The following AKR1C2 variants were observed in gnomAD, a reference collection of about 807,000 sequenced individuals.
AKR1C2 encodes 3-alpha-HSD3.
Under a neutral mutation model 39.8 loss-of-function variants are expected in AKR1C2, and 27 were observed. The observed-to-expected ratio is 0.68, with a 90% confidence interval of 0.50 to 0.93. The LOEUF is 0.93. Ranked by LOEUF, AKR1C2 falls within the 40% of genes least tolerant of loss-of-function variation. The pLI is 0.00. For synonymous variants in AKR1C2, 114 were observed against 137.9 expected, an observed-to-expected ratio of 0.83 and a Z score of 1.22; for missense variants, 263 against 365.1, an observed-to-expected ratio of 0.72 and a Z score of 2.28.
intron 7 of AKR1C2, among the ~76,000 whole-genome samples, chr10:4,992,960 T>C (rs1289824101): frequency 6.6e-6 from 1 of 152,018 alleles, no homozygotes; most frequent in African/African-American, 2.4e-5. Context: ...AAAAAAAAAA[T>C]GATCAGTAAT....
chr10:5,002,088 C>T (rs1194501423), intron 1 of AKR1C2, among the ~76,000 whole-genome samples: 5 of 152,210 alleles, frequency 3.3e-5, no homozygotes, highest in African/African-American at 9.7e-5. Context: ...ATTCCTCTCC[C>T]ACCATGTTGC....
Position 4,998,611 on chromosome 10 carries a change from C to A in AKR1C2, c.570+14G>T. On this transcript the variant is annotated intron_variant, in intron 5 of 8. Transcript: ENST00000380753. ...CATGAAGAACAGAAAGGAGAGGAGG[C>A]TGAGGGCGCTCACCTGGTTGCAGAC... 2 of 1,613,850 alleles carry A rather than the reference C, an allele frequency of 1.2e-6. No homozygotes were observed. The highest frequency in any genetic ancestry group is 8.5e-7 in the Non-Finnish European group (1 of 1,179,880).
intron 7 of AKR1C2, among the ~76,000 whole-genome samples, chr10:4,994,279 T>G (rs1345886974): frequency 6.6e-6 from 1 of 151,694 alleles, no homozygotes; most frequent in African/African-American, 2.4e-5. Context: ...CTATATATAT[T>G]CATATTCATA....
upstream of AKR1C2, among the ~76,000 whole-genome samples, chr10:5,005,598 G>T (rs577953121): frequency 6.6e-6 from 1 of 152,114 alleles, no homozygotes; most frequent in Non-Finnish European, 1.5e-5. Flanking sequence ...CAGAGGAATC[G>T]CTTGAACCCA....
intron 1 of AKR1C2, chr10:5,014,892 G>C (rs1402165591): frequency 2.0e-5 from 3 of 152,200 alleles, no homozygotes; most frequent in Non-Finnish European, 4.4e-5. Flanking sequence ...TTTAGATATT[G>C]GTTCTCTTAC....
At chr10:5,015,428 C>T (rs1325473823) in intron 1 of AKR1C2, among the ~76,000 whole-genome samples, 1 of 152,048 alleles carries the variant, frequency 6.6e-6, no homozygotes, top group Non-Finnish European at 1.5e-5. Context: ...ATTGGATGTC[C>T]CCAGGGGCTT....
At position 4,988,979 on chromosome 10, in the gene AKR1C2, T is replaced by C. The variant is rs1220255177; in HGVS notation, c.*1017A>G. 6.6e-6 allele frequency: 1 copy of C among 152,236 alleles called. No individual in the cohort carries two copies. Among genetic ancestry groups the C allele is most frequent in the Non-Finnish European group, 1.5e-5 (1 of 68,042 alleles). The allele number at this position is 152,236 out of a possible 1,614,324, so 9.4% of individuals were successfully genotyped here. ...TGAAGTCTTGGAACATTTGATTTAT[T>C]AGATGTATTATTTCCCATTTTAATC... On this transcript the variant is annotated 3_prime_UTR_variant, in exon 9 of 9. Transcript: ENST00000380753.
chr10:4,999,379 G>A (rs1261135879), intron 3 of AKR1C2, 102 bp from the exon 4 acceptor site: 23 of 1,608,002 alleles, frequency 1.4e-5, no homozygotes, highest in African/African-American at 4.0e-5. Flanking sequence ...CATGAGGTAG[G>A]TGATGCAGCG....
intron 5 of AKR1C2, among the ~76,000 whole-genome samples, chr10:4,996,945 TAC>T (rs1449211563): frequency 1.3e-5 from 2 of 152,078 alleles, no homozygotes; most frequent in Non-Finnish European, 2.9e-5. Flanking sequence ...CACTGATGTA[TAC>T]TCAATCATAT....
chr10:4,992,486 A>G (rs1428390509), intron 7 of AKR1C2, among the ~76,000 whole-genome samples: 26 of 152,184 alleles, frequency 1.7e-4, no homozygotes, highest in Non-Finnish European at 3.5e-4. Flanking sequence ...GTATAAATCC[A>G]TAGGGAAACT....
rs1837165110 is a variant in AKR1C2 at position 4,999,051 on chromosome 10, T to A, written c.447+149A>T. 4 of 1,565,802 alleles carry A rather than the reference T, an allele frequency of 2.6e-6. No individual in the cohort carries two copies. In the African/African-American group the frequency reaches 4.1e-5, roughly 16 times the overall value. ...CTCTCTTTTGTATGCCTGTCATTTC[T>A]TTTTCCTCGCTGCTCACAAAAACTA... On this transcript the variant is annotated intron_variant, in intron 4 of 8. Coordinates refer to ENST00000380753, the MANE Select transcript of AKR1C2 (RefSeq NM_001393392.1).
At chr10:5,006,785 C>CTT (rs57936312), upstream of AKR1C2, among the ~76,000 whole-genome samples, 6,694 of 144,752 alleles carry the variant, frequency 0.046, 211 homozygotes, top group Non-Finnish European at 0.062. Context: ...ATTTCAGCCT[C>CTT]TTTTTTTTTT....
At position 4,995,987 on chromosome 10, in the gene AKR1C2, C is replaced by T. The variant is rs548057107; in HGVS notation, c.571-122G>A. ...AAATTTGAACTGAGAATATTATTGT[C>T]AAAAATGATCTTTTTCATAAAAATA... is the stretch of plus-strand genomic sequence containing the variant. On this transcript the variant is annotated intron_variant, in intron 5 of 8. Transcript: ENST00000380753. 16,541 of 1,079,960 alleles carry T rather than the reference C, an allele frequency of 0.015. 193 individuals carry two copies. The highest frequency in any genetic ancestry group is 0.019 in the Non-Finnish European group (14,721 of 776,306). The allele number at this position is 1,079,960 out of a possible 1,614,324, so 66.9% of individuals were successfully genotyped here.
Position 4,991,299 on chromosome 10 carries a change from GC to G in AKR1C2, c.929+531del, listed in dbSNP as rs201556344. Among the ~76,000 whole-genome samples the G allele has an allele frequency of 3.0e-3, 455 of 151,716 alleles. 5 individuals carry two copies. Among genetic ancestry groups the G allele is most frequent in the African/African-American group, 0.011 (435 of 41,000 alleles). The stretch of plus-strand genomic sequence containing the variant: ...CAGTATTTGGCTCATGGGCAAACAT[GC>G]AAAGAAAGGCACGAAAAAGGTTTGA... On this transcript the variant is annotated intron_variant, in intron 8 of 8. Transcript: ENST00000380753.
rs149560142 is a variant in AKR1C2 at position 4,995,819 on chromosome 10, C to A, written c.617G>T (p.Cys206Phe). The A allele has an allele frequency of 7.3e-5, 117 of 1,612,530 alleles. No individual in the cohort carries two copies. The African/African-American group carries it at 1.3e-3, about 18-fold the overall frequency. Residue 206 changes from cysteine to phenylalanine, a missense_variant, in exon 6 of 9, where the codon TGC (cysteine) becomes TTC (phenylalanine). Cys to Phe is a radical substitution (Grantham distance 205, BLOSUM62 -2). This residue lies in a region of AKR1C2 where 247 missense variants were observed against 267.9 expected (regional missense o/e 0.92). Coordinates refer to ENST00000380753, the MANE Select transcript of AKR1C2 (RefSeq NM_001393392.1). ...AACCAGAACAATGTCTTTTGACTTGCAGAAATCCAGCAGTTTTCTCTGGTT... is the reference window on the plus strand; with the variant it reads ...AACCAGAACAATGTCTTTTGACTTGAAGAAATCCAGCAGTTTTCTCTGGTT... ...YFNQRKLLDF[C>F]KSKDIVLVAY...
At chr10:4,999,468 C>G in intron 3 of AKR1C2, 191 bp from the exon 4 acceptor site, 6 of 1,181,152 alleles carry the variant, frequency 5.1e-6, no homozygotes, top group Non-Finnish European at 7.0e-6. Context: ...TTCCTCTAAT[C>G]TCTTACACCT....
intron 7 of AKR1C2, among the ~76,000 whole-genome samples, chr10:4,992,744 A>T (rs1836883762): frequency 6.6e-6 from 1 of 151,860 alleles, no homozygotes; most frequent in African/African-American, 2.4e-5. Context: ...TGATTTCAGG[A>T]GTTAGAGAAC....
In AKR1C2 at chr10:4,989,982, C is replaced by T. The variant is rs373333226; in HGVS notation, c.*14G>A. 77 of 1,607,848 alleles carry T rather than the reference C, an allele frequency of 4.8e-5. No individual in the cohort carries two copies. In the African/African-American group the frequency reaches 6.8e-4, roughly 14 times the overall value. On this transcript the variant is annotated 3_prime_UTR_variant, in exon 9 of 9. Coordinates refer to ENST00000380753, the MANE Select transcript of AKR1C2 (RefSeq NM_001393392.1). Reference sequence around the variant, plus strand: ...GCAGGGCCTTCTGGCAGACCTCATGCAATGCCCTCCATGTTAATATTCATC... The same window carrying T: ...GCAGGGCCTTCTGGCAGACCTCATGTAATGCCCTCCATGTTAATATTCATC...
intron 3 of AKR1C2, 53 bp from the exon 4 acceptor site, chr10:4,999,330 T>G: frequency 6.4e-7 from 1 of 1,566,942 alleles, no homozygotes; most frequent in Non-Finnish European, 8.6e-7. Context: ...TCTCCACACA[T>G]AGCCATGCTC....
Sources: allele counts gnomAD v4.1 joint callset (sites outside exome capture counted in the v4.1 genomes callset), GRCh38; gene constraint gnomAD v4.1.1; regional missense constraint gnomAD v4.1.1; transcripts MANE v1.5; gene names NCBI Gene and HGNC (gene_info 2026-07-23, HGNC 2026-07-21).